The following GATAD1 variants were observed in gnomAD, a reference collection of about 807,000 sequenced individuals.
The protein encoded by GATAD1 is GATA zinc finger domain containing 1, also known as GATA zinc finger domain-containing protein 1.
In GATAD1, 12 loss-of-function variants were observed where a neutral mutation model predicts 26.5. That is an observed-to-expected ratio of 0.45 (90% CI 0.29 to 0.73). The LOEUF (loss-of-function observed/expected upper bound fraction) is 0.73, where lower values mean the gene tolerates loss of function less well. Among genes scored for constraint, GATAD1 ranks in the 30% least tolerant of loss-of-function variants. The pLI is 0.10. For synonymous variants in GATAD1, 129 were observed against 133.1 expected (o/e 0.97, Z 0.21); for missense variants, 266 against 342.1 (o/e 0.78, Z 1.75).
intron 4 of GATAD1, among the ~76,000 whole-genome samples, chr7:92,455,227 A>C (rs997872445): frequency 6.6e-6 from 1 of 152,196 alleles, no homozygotes; most frequent in Non-Finnish European, 1.5e-5. Flanking sequence ...TGTGAGTGCT[A>C]TCAGTTATTT....
At chr7:92,487,499 A>T in the GATAD1 span, 1,594 of 1,596,452 alleles carry the variant, frequency 1.0e-3, 15 homozygotes, top group Non-Finnish European at 2.8e-4. Context: ...ACATTGTTCC[A>T]CTTTGATTTT....
chr7:92,484,978 T>C, the GATAD1 span, among the ~76,000 whole-genome samples: 3 of 150,326 alleles, frequency 2.0e-5, no homozygotes, highest in East Asian at 2.0e-4. Context: ...GGCCATTTTA[T>C]AGGATTTGGG....
At chr7:92,487,453 T>C in the GATAD1 span, 1 of 1,501,534 alleles carries the variant, frequency 6.7e-7, no homozygotes, top group Non-Finnish European at 9.2e-7. Flanking sequence ...AAAAGAAGTA[T>C]ATTTTATGCT....
At chr7:92,468,706 A>G in the GATAD1 span, 4 of 666,192 alleles carry the variant, frequency 6.0e-6, no homozygotes, top group African/African-American at 1.8e-5. Flanking sequence ...CCTGTCTCTC[A>G]GTCCCCCATC....
At chr7:92,460,325 CTG>C (rs1295293847), downstream of GATAD1, among the ~76,000 whole-genome samples, 1 of 152,142 alleles carries the variant, frequency 6.6e-6, no homozygotes, top group Non-Finnish European at 1.5e-5. Flanking sequence ...GTTTGAAGAA[CTG>C]TGCTGTTTAC....
chr7:92,450,177 A>G (rs1789365371), intron 2 of GATAD1: 1 of 153,510 alleles, frequency 6.5e-6, no homozygotes. Context: ...AAGCTTTAGT[A>G]GAGATCTCAA....
chr7:92,454,807 C>A, intron 4 of GATAD1, 122 bp downstream of exon 4: 1 of 643,532 alleles, frequency 1.6e-6, no homozygotes, highest in Non-Finnish European at 2.6e-6. Flanking sequence ...GTGGCTTAAA[C>A]AACAGAAAGT....
the GATAD1 span, among the ~76,000 whole-genome samples, chr7:92,468,101 A>G: frequency 2.6e-5 from 4 of 152,192 alleles, no homozygotes; most frequent in Non-Finnish European, 5.9e-5. Flanking sequence ...TTATAGCTCT[A>G]TTAGAAGCTG....
chr7:92,478,210 G>GT, the GATAD1 span, among the ~76,000 whole-genome samples: 1 of 152,182 alleles, frequency 6.6e-6, no homozygotes, highest in Non-Finnish European at 1.5e-5. Flanking sequence ...GATAATTGCT[G>GT]TATCTCCAGG....
chr7:92,476,858 C>T, the GATAD1 span, among the ~76,000 whole-genome samples: 13 of 152,214 alleles, frequency 8.5e-5, no homozygotes, highest in East Asian at 1.9e-4. Context: ...TGCCTAAGGA[C>T]GCAGCGCAGA....
chr7:92,478,489 G>T, the GATAD1 span, among the ~76,000 whole-genome samples: 4 of 152,178 alleles, frequency 2.6e-5, no homozygotes, highest in African/African-American at 9.7e-5. Flanking sequence ...AGTGGCTCGT[G>T]GGGTGGCAGA....
the GATAD1 span, chr7:92,478,101 A>G: frequency 6.6e-6 from 1 of 152,202 alleles, no homozygotes; most frequent in African/African-American, 2.4e-5. Context: ...CTAAGTTGCA[A>G]GCCCCGTGTT....
At chr7:92,473,900 C>A in the GATAD1 span, among the ~76,000 whole-genome samples, 1 of 152,126 alleles carries the variant, frequency 6.6e-6, no homozygotes, top group Admixed American at 6.5e-5. Context: ...GCTGCTGGAT[C>A]ATCTGGTTAG....
At chr7:92,449,586 C>A in intron 2 of GATAD1, 2 of 979,002 alleles carry the variant, frequency 2.0e-6, no homozygotes, top group Non-Finnish European at 2.4e-6. Context: ...TTCACTTACC[C>A]GTAAAGACGT....
In GATAD1 at chr7:92,458,785, C is replaced by T. The variant is rs2115897910; in HGVS notation, c.*2223C>T. ...AGTAAAATTGATTGTAAATAACTTT[C>T]TAAGTGCCAATATTCAAAACTTTTG... On this transcript the variant is annotated 3_prime_UTR_variant, in exon 5 of 5. Coordinates refer to ENST00000287957, the MANE Select transcript of GATAD1 (RefSeq NM_021167.5). 6.6e-6 allele frequency: 1 copy of T among 152,340 alleles called. No homozygotes were observed. The highest frequency in any genetic ancestry group is 2.1e-4 in the South Asian group (1 of 4,824). The allele number at this position is 152,340 out of a possible 1,614,324, so 9.4% of individuals were successfully genotyped here.
chr7:92,489,942 G>C, the GATAD1 span: 2 of 1,544,722 alleles, frequency 1.3e-6, no homozygotes, highest in Non-Finnish European at 1.8e-6. Context: ...ATGAAAGATG[G>C]AAGGAAGAGG....
In GATAD1 at chr7:92,454,513, C is replaced by T. The variant is rs1789582328; in HGVS notation, c.447C>T (p.Tyr149=). ...TCTGTTTCCCCCAGGGAGTATATTA[C>T]CAAATTGGTGATGTTGTTTCTGTGA... ...AESIFYKGVY[Y]QIGDVVSVID... is the part of the protein sequence containing the mutation. Residue 149 remains tyrosine, a synonymous_variant, in exon 4 of 5, where the codon TAC becomes TAT. Coordinates refer to ENST00000287957, the MANE Select transcript of GATAD1 (RefSeq NM_021167.5). 1 of 1,608,604 alleles carries T rather than the reference C, an allele frequency of 6.2e-7. No homozygotes were observed.
chr7:92,467,335 C>T, the GATAD1 span, among the ~76,000 whole-genome samples: 1 of 151,990 alleles, frequency 6.6e-6, no homozygotes, highest in African/African-American at 2.4e-5. Context: ...AAATTATATA[C>T]ATATATATAT....
chr7:92,450,233 A>G (rs1305945664), intron 2 of GATAD1: 1 of 153,664 alleles, frequency 6.5e-6, no homozygotes, highest in Admixed American at 6.5e-5. Flanking sequence ...CAAAGTTTCT[A>G]AAGCCTTAGT....
Sources: allele counts gnomAD v4.1 joint callset (sites outside exome capture counted in the v4.1 genomes callset), GRCh38; gene constraint gnomAD v4.1.1; transcripts MANE v1.5; gene names NCBI Gene and HGNC (gene_info 2026-07-23, HGNC 2026-07-21).